Variants in KCNA3 observed in about 807,000 individuals in gnomAD.
KCNA3 encodes RP11-284N8.3.
KCNA3 carries 18 observed loss-of-function variants against 34.3 expected under a neutral mutation model. The observed-to-expected ratio is 0.52, with a 90% CI of 0.36 to 0.78. The LOEUF is 0.78. Ranked by LOEUF, KCNA3 falls within the 30% of genes least tolerant of loss-of-function variation. KCNA3 has a pLI of 0.00. For synonymous variants in KCNA3, 324 were observed against 351.7 expected, an observed-to-expected ratio of 0.92 and a Z score of 0.88; for missense variants, 587 against 802.5, an observed-to-expected ratio of 0.73 and a Z score of 3.24.
In KCNA3 at chr1:110,674,756, G is replaced by C. The variant is rs556830043; in HGVS notation, c.54C>G (p.His18Gln). 1.7e-4 allele frequency: 230 copies of C among 1,365,862 alleles called. No homozygotes were observed. The African/African-American group carries it at 3.3e-3, about 20-fold the overall frequency. The allele number at this position is 1,365,862 out of a possible 1,614,324, so 84.6% of individuals were successfully genotyped here. ...LRSPPPPSARHRAHPPQRPAS... is the reference protein window; with the variant it reads ...LRSPPPPSARQRAHPPQRPAS... ...CTGGGCGCTGAGGAGGGTGGGCGCGGTGGCGGGCTGAGGGCGGCGGCGGCG... is the reference window on the plus strand; with the variant it reads ...CTGGGCGCTGAGGAGGGTGGGCGCGCTGGCGGGCTGAGGGCGGCGGCGGCG... Residue 18 changes from histidine (H) to glutamine (Q), a missense_variant, in exon 1 of 1, where the codon CAC becomes CAG. Physicochemically the swap from His to Gln is conservative, Grantham distance 24. Around this residue, in one of 7 missense-constraint regions of KCNA3, gnomAD observed 341 missense variants for 355.4 expected, o/e 0.96. Transcript: ENST00000369769. The surrounding 1 kb of genome is among the most constrained non-coding windows in gnomAD (Gnocchi z 6.4).
At chr1:110,661,657 G>A in the KCNA3 span, among the ~76,000 whole-genome samples, 1 of 151,790 alleles carries the variant, frequency 6.6e-6, no homozygotes, top group Non-Finnish European at 1.5e-5. Context: ...ATATAAAACG[G>A]TGGGCCTTAA....
the KCNA3 span, chr1:110,654,409 T>C: frequency 2.0e-5 from 3 of 152,180 alleles, no homozygotes; most frequent in Non-Finnish European, 4.4e-5. Flanking sequence ...GATTTTTTTT[T>C]CCTCTGAATC....
downstream of KCNA3, among the ~76,000 whole-genome samples, chr1:110,671,677 T>A (rs958281314): frequency 2.1e-5 from 3 of 140,050 alleles, no homozygotes; most frequent in Non-Finnish European, 4.6e-5. Flanking sequence ...GGGATCTGTA[T>A]TTTTTTTTTT....
At chr1:110,656,645 G>C in the KCNA3 span, 2 of 152,340 alleles carry the variant, frequency 1.3e-5, no homozygotes, top group South Asian at 4.1e-4. Flanking sequence ...CTACCAATCT[G>C]CTTCTTGTGT....
the KCNA3 span, among the ~76,000 whole-genome samples, chr1:110,662,851 A>C: frequency 6.6e-6 from 1 of 152,206 alleles, no homozygotes; most frequent in African/African-American, 2.4e-5. Flanking sequence ...ATGCTCTTTT[A>C]AAATCAGTTA....
Position 110,674,200 on chromosome 1 carries a change from G to C in KCNA3, c.610C>G (p.Leu204Val), listed in dbSNP as rs909473657. 6 of 1,613,098 alleles carry C rather than the reference G, an allele frequency of 3.7e-6. No homozygotes were observed. The highest frequency in any genetic ancestry group is 5.1e-6 in the Non-Finnish European group (6 of 1,179,426). The change falls in exon 1 of 1, where the codon CTG becomes GTG. Residue 204 changes from leucine to valine, a missense_variant. By Grantham distance (32) the Leu-to-Val change is conservative (BLOSUM62 1). Coordinates refer to ENST00000369769, the MANE Select transcript of KCNA3 (RefSeq NM_002232.5). The surrounding 1 kb of genome is among the most constrained non-coding windows in gnomAD (Gnocchi z 6.4). ...GGCAAGGGCCGCTCCTCCTCCCGCA[G>C]GAAGCCCTCGTCCTCGCGGAACTTC... The part of the protein sequence containing the change: ...MEKFREDEGF[L>V]REEERPLPRR...
In KCNA3 at chr1:110,674,569, C is replaced by T. The variant is rs984933551; in HGVS notation, c.241G>A (p.Gly81Ser). Residue 81 changes from glycine (G) to serine (S), a missense_variant, in exon 1 of 1, where the codon GGC becomes AGC. This residue lies in a region of KCNA3 where 341 missense variants were observed against 355.4 expected (regional missense o/e 0.96). Transcript: ENST00000369769. The surrounding 1 kb of genome is among the most constrained non-coding windows in gnomAD (Gnocchi z 6.4). Reference sequence around the variant, plus strand: ...AGCGGCTCGTAGCGGTCGCAGCCGCCGCCGCCACAGCCGCCTTGAGGCGGG... The same window carrying T: ...AGCGGCTCGTAGCGGTCGCAGCCGCTGCCGCCACAGCCGCCTTGAGGCGGG... Reference protein sequence around the residue: ...GAPPQGGCGGGGCDRYEPLPP... With the variant: ...GAPPQGGCGGSGCDRYEPLPP... 2 of 1,562,554 alleles carry T rather than the reference C, an allele frequency of 1.3e-6. No homozygotes were observed. The highest frequency in any genetic ancestry group is 1.7e-6 in the Non-Finnish European group (2 of 1,158,348).
the KCNA3 span, among the ~76,000 whole-genome samples, chr1:110,663,504 G>T: frequency 1.3e-5 from 2 of 152,148 alleles, no homozygotes; most frequent in Non-Finnish European, 2.9e-5. Flanking sequence ...CTCTGGTCTG[G>T]TTTGCCTGAA....
Position 110,674,191 on chromosome 1 carries a change from C to T in KCNA3, c.619G>A (p.Glu207Lys), listed in dbSNP as rs1049290141. 11 of 1,612,592 alleles carry T rather than the reference C, an allele frequency of 6.8e-6. No individual in the cohort carries two copies. The highest frequency in any genetic ancestry group is 8.5e-6 in the Non-Finnish European group (10 of 1,179,192). Residue 207 changes from glutamate (E) to lysine (K), a missense_variant, in exon 1 of 1, where the codon GAG (glutamate) becomes AAG (lysine). Glu to Lys is a moderately conservative substitution (Grantham distance 56). Coordinates refer to ENST00000369769, the MANE Select transcript of KCNA3 (RefSeq NM_002232.5). This position sits in a 1 kb window ranked among gnomAD's most constrained non-coding sequence, Gnocchi z 6.4. ...TCGCGGCGGGGCAAGGGCCGCTCCT[C>T]CTCCCGCAGGAAGCCCTCGTCCTCG... Reference protein sequence around the residue: ...FREDEGFLREEERPLPRRDFQ... With the variant: ...FREDEGFLREKERPLPRRDFQ...
At chr1:110,657,201 C>A in the KCNA3 span, among the ~76,000 whole-genome samples, 1 of 152,050 alleles carries the variant, frequency 6.6e-6, no homozygotes, top group African/African-American at 2.4e-5. Context: ...CATGTATCAC[C>A]ATGCCCAGCT....
At chr1:110,656,921 A>T in the KCNA3 span, 1 of 152,196 alleles carries the variant, frequency 6.6e-6, no homozygotes, top group Admixed American at 6.5e-5. Context: ...AATTCTAAGG[A>T]GAAAGAATCC....
At chr1:110,669,627 T>C (rs1389602404), downstream of KCNA3, among the ~76,000 whole-genome samples, 1 of 152,164 alleles carries the variant, frequency 6.6e-6, no homozygotes, top group African/African-American at 2.4e-5. Flanking sequence ...AGTCACCTAA[T>C]AAAAGTAGCA....
chr1:110,655,370 C>T, the KCNA3 span: 1 of 151,984 alleles, frequency 6.6e-6, no homozygotes, highest in East Asian at 1.9e-4. Context: ...CACCCCCAAA[C>T]CCAGCATTAA....
the KCNA3 span, among the ~76,000 whole-genome samples, chr1:110,659,818 G>A: frequency 2.1e-3 from 317 of 151,512 alleles, no homozygotes; most frequent in African/African-American, 7.2e-3. Context: ...CATCATTCTC[G>A]GCAAACTATC....
At chr1:110,655,401 C>T in the KCNA3 span, 1 of 152,086 alleles carries the variant, frequency 6.6e-6, no homozygotes, top group Admixed American at 6.5e-5. Context: ...ATAGAAACAA[C>T]TTACCAGAAG....
In KCNA3 at chr1:110,674,362, C is replaced by A; in HGVS notation, c.448G>T (p.Asp150Tyr). The change falls in exon 1 of 1, where the codon GAC becomes TAC. Residue 150 changes from aspartate to tyrosine, a missense_variant. This residue lies in a region of KCNA3 where 341 missense variants were observed against 355.4 expected (regional missense o/e 0.96). Coordinates refer to ENST00000369769, the MANE Select transcript of KCNA3 (RefSeq NM_002232.5). The surrounding 1 kb of genome is among the most constrained non-coding windows in gnomAD (Gnocchi z 6.4). ...FDPLRNEYFF[D>Y]RNRPSFDAIL... Reference sequence around the variant, plus strand: ...GCGTCGAAGCTGGGCCGGTTGCGGTCGAAGAAGTACTCGTTGCGGAGCGGG... The same window carrying A: ...GCGTCGAAGCTGGGCCGGTTGCGGTAGAAGAAGTACTCGTTGCGGAGCGGG... The A allele has an allele frequency of 6.2e-7, 1 of 1,614,146 alleles. No homozygotes were observed. The highest frequency in any genetic ancestry group is 8.5e-7 in the Non-Finnish European group (1 of 1,180,014).
downstream of KCNA3, among the ~76,000 whole-genome samples, chr1:110,668,237 G>A (rs1244634219): frequency 1.3e-5 from 2 of 152,048 alleles, no homozygotes; most frequent in African/African-American, 4.8e-5. Flanking sequence ...ATCTCACAGT[G>A]TTTCCATAAG....
Position 110,673,385 on chromosome 1 carries a change from T to C in KCNA3, c.1425A>G (p.Pro475=). The stretch of plus-strand genomic sequence containing the variant: ...TGAAGTTGGAAACAATCACGGGAAC[T>C]GGCAATGCGATGGTCAAGACACCGG... ...AIAGVLTIAL[P]VPVIVSNFNY... The change falls in exon 1 of 1, where the codon CCA becomes CCG. Residue 475 remains proline, a synonymous_variant. Coordinates refer to ENST00000369769, the MANE Select transcript of KCNA3 (RefSeq NM_002232.5). The surrounding 1 kb of genome is among the most constrained non-coding windows in gnomAD (Gnocchi z 8.8). 1 of 1,614,094 alleles carries C rather than the reference T, an allele frequency of 6.2e-7. No individual in the cohort carries two copies. Among genetic ancestry groups the C allele is most frequent in the Non-Finnish European group, 8.5e-7 (1 of 1,180,006 alleles).
Position 110,674,093 on chromosome 1 carries a change from C to T in KCNA3, c.717G>A (p.Val239=). The T allele has an allele frequency of 1.9e-6, 3 of 1,609,724 alleles. No individual in the cohort carries two copies. The highest frequency in any genetic ancestry group is 1.3e-5 in the African/African-American group (1 of 74,868). Residue 239 remains valine (V), a synonymous_variant, in exon 1 of 1, where the codon GTG becomes GTA. Coordinates refer to ENST00000369769, the MANE Select transcript of KCNA3 (RefSeq NM_002232.5). This position sits in a 1 kb window ranked among gnomAD's most constrained non-coding sequence, Gnocchi z 6.4. The part of the protein sequence containing the change: ...SSGPARGIAI[V]SVLVILISIV... ...TGGAGATGAGGATGACCAGCACGGA[C>T]ACGATGGCGATGCCCCGGGCCGGCC...
Sources: gnomAD v4.1 joint callset for allele counts (sites outside exome capture counted in the v4.1 genomes callset) on GRCh38, gnomAD v4.1.1 for gene constraint, gnomAD v4.1.1 regional missense constraint, Gnocchi (gnomAD v3.1) non-coding constraint, MANE v1.5 for transcripts, NCBI Gene and HGNC (gene_info 2026-07-23, HGNC 2026-07-21) for gene names.